PACS1: variants seen among roughly 807,000 people sequenced by gnomAD.
PACS1 encodes PACS-1.
In PACS1, 24 loss-of-function variants were observed where a neutral mutation model predicts 115.0. The ratio of observed to expected loss-of-function variants is 0.21; its 90% CI spans 0.15 to 0.29. The LOEUF (loss-of-function observed/expected upper bound fraction) is 0.29, where lower values mean the gene tolerates loss of function less well. Ranked by LOEUF, PACS1 falls within the 10% of genes least tolerant of loss-of-function variation. PACS1 has a pLI of 1.00. For synonymous variants in PACS1, 453 were observed against 504.5 expected, an observed-to-expected ratio of 0.90 and a Z score of 1.37; for missense variants, 838 against 1,251.2, an observed-to-expected ratio of 0.67 and a Z score of 4.98.
At chr11:66,114,417 CAAA>C (rs34972929) in intron 1 of PACS1, among the ~76,000 whole-genome samples, 4 of 132,134 alleles carry the variant, frequency 3.0e-5, no homozygotes, top group Non-Finnish European at 4.8e-5. Flanking sequence ...GACTCCGCCT[CAAA>C]AAAAAAAAAA....
chr11:66,122,586 A>C (rs1215000458), intron 1 of PACS1, among the ~76,000 whole-genome samples: 3 of 152,214 alleles, frequency 2.0e-5, no homozygotes, highest in Non-Finnish European at 4.4e-5. Context: ...TCATGGGAGG[A>C]GGTCAAAGTA....
At chr11:66,097,775 G>A (rs1259436028) in intron 1 of PACS1, among the ~76,000 whole-genome samples, 1 of 152,204 alleles carries the variant, frequency 6.6e-6, no homozygotes. Flanking sequence ...GGCATGAAAT[G>A]GAAACTCTGA....
intron 10 of PACS1, among the ~76,000 whole-genome samples, chr11:66,224,744 A>C (rs1855438218): frequency 6.6e-6 from 1 of 152,232 alleles, no homozygotes; most frequent in South Asian, 2.1e-4. Flanking sequence ...TGGGAACAGC[A>C]GAACCAGACT....
chr11:66,228,208 G>A (rs555083144), intron 11 of PACS1, among the ~76,000 whole-genome samples: 1 of 152,108 alleles, frequency 6.6e-6, no homozygotes, highest in South Asian at 2.1e-4. Context: ...TCTGAGCTGG[G>A]CTTTGCAGGT....
At chr11:66,226,555 G>T (rs912858152) in intron 10 of PACS1, among the ~76,000 whole-genome samples, 2 of 152,150 alleles carry the variant, frequency 1.3e-5, no homozygotes, top group Admixed American at 6.5e-5. Context: ...AATGTCAATC[G>T]TGCCAAGGTG....
chr11:66,074,077 T>C (rs1439680892), intron 1 of PACS1, among the ~76,000 whole-genome samples: 1 of 151,998 alleles, frequency 6.6e-6, no homozygotes, highest in Non-Finnish European at 1.5e-5. Flanking sequence ...CAGCATTTTT[T>C]TTAAAGACAA....
At chr11:66,237,777 G>T (rs1189467590) in intron 19 of PACS1, among the ~76,000 whole-genome samples, 1 of 152,206 alleles carries the variant, frequency 6.6e-6, no homozygotes, top group Non-Finnish European at 1.5e-5. Context: ...CTCACCAAAT[G>T]CCAGGCAAAC....
intron 10 of PACS1, among the ~76,000 whole-genome samples, chr11:66,225,942 G>A (rs1319676614): frequency 6.6e-6 from 1 of 152,188 alleles, no homozygotes; most frequent in Non-Finnish European, 1.5e-5. Flanking sequence ...GCTGAGGCAG[G>A]TGGATCACTT....
At chr11:66,147,775 G>A (rs1052866253) in intron 1 of PACS1, among the ~76,000 whole-genome samples, 3 of 152,016 alleles carry the variant, frequency 2.0e-5, no homozygotes, top group African/African-American at 7.2e-5. Context: ...GAATGAATAA[G>A]AGCTAGTATT....
At chr11:66,079,637 T>C (rs1337661339) in intron 1 of PACS1, among the ~76,000 whole-genome samples, 2 of 152,298 alleles carry the variant, frequency 1.3e-5, no homozygotes, top group African/African-American at 4.8e-5. Flanking sequence ...ACACCCCCTC[T>C]ATAATCTTCC....
At chr11:66,082,574 G>A (rs1486833235) in intron 1 of PACS1, among the ~76,000 whole-genome samples, 1 of 152,132 alleles carries the variant, frequency 6.6e-6, no homozygotes, top group Non-Finnish European at 1.5e-5. Context: ...AAATGTTTGC[G>A]CATCAGGCCG....
rs1858197271 is a variant in PACS1, at chr11:66,111,948, G to C, written c.356+41106G>C. Among the ~76,000 whole-genome samples the C allele has an allele frequency of 2.6e-5, 4 of 152,144 alleles. No homozygotes were observed. In the South Asian group the frequency reaches 8.3e-4, roughly 32 times the overall value. ...GGTGTGAGCCACTGCACCCAGCTCA[G>C]ATTCTTCTTTATAATGCCTGCCTCA... On this transcript the variant is annotated intron_variant, in intron 1 of 23. Transcript: ENST00000320580.
chr11:66,169,236 C>T (rs934657435), intron 1 of PACS1, among the ~76,000 whole-genome samples: 3 of 150,552 alleles, frequency 2.0e-5, no homozygotes, highest in Admixed American at 2.0e-4. Context: ...GCTAAGAGGA[C>T]TTATCATAAA....
At position 66,198,411 on chromosome 11, in the gene PACS1, G is replaced by A. The variant is rs567598594; in HGVS notation, c.444+4838G>A. On this transcript the variant is annotated intron_variant, in intron 2 of 23. Transcript: ENST00000320580. ...AATGTGGTCTAGTCATACAGCTTCG[G>A]AATACTATTTGGCAATAAAAAAGAA... Among the ~76,000 whole-genome samples, 26 of 152,156 alleles carry A rather than the reference G, an allele frequency of 1.7e-4. 1 individual carries two copies. The highest frequency in any genetic ancestry group is 1.3e-4 in the Non-Finnish European group (9 of 68,032).
rs562418648 is a variant in PACS1 at position 66,230,600 on chromosome 11, C to T, written c.1427C>T (p.Pro476Leu). The T allele has an allele frequency of 9.9e-6, 16 of 1,613,992 alleles. No individual in the cohort carries two copies. Among genetic ancestry groups the T allele is most frequent in the East Asian group, 2.2e-5 (1 of 44,890 alleles). Residue 476 changes from proline to leucine, a missense_variant, in exon 12 of 24, where the codon CCG becomes CTG. By Grantham distance (98) the Pro-to-Leu change is moderately conservative. This residue lies in a region of PACS1 where 383 missense variants were observed against 537.0 expected (regional missense o/e 0.71). Coordinates refer to ENST00000320580, the MANE Select transcript of PACS1 (RefSeq NM_018026.4). The stretch of plus-strand genomic sequence containing the variant: ...GATGCCAGCACGAGTCTGGTTGTGC[C>T]GGAGAAAGTCAAAACTCCCATGAAG... ...FGDASTSLVVPEKVKTPMKSS... is the reference protein window; with the variant it reads ...FGDASTSLVVLEKVKTPMKSS...
intron 13 of PACS1, 170 bp from the exon 14 acceptor site, chr11:66,232,002 C>G: frequency 1.7e-6 from 1 of 577,926 alleles, no homozygotes; most frequent in South Asian, 2.1e-5. Flanking sequence ...CTTTCTCCTC[C>G]TTTCCATCGT....
intron 2 of PACS1, among the ~76,000 whole-genome samples, chr11:66,205,747 G>A (rs1332812955): frequency 7.5e-5 from 11 of 147,222 alleles, no homozygotes; most frequent in Non-Finnish European, 1.3e-4. Flanking sequence ...TTCCACCTCT[G>A]CCTCCTTAAG....
rs774951789 is a variant in PACS1, at chr11:66,221,178, G to T, written c.1224G>T (p.Gln408His). 1 of 1,614,204 alleles carries T rather than the reference G, an allele frequency of 6.2e-7. No individual in the cohort carries two copies. Among genetic ancestry groups the T allele is most frequent in the Admixed American group, 1.7e-5 (1 of 60,020 alleles). ...GGCCTTTCTTTGAGGGGATGTCGCA[G>T]TCCAGCTCCCAGACGGAGATTGGCA... ...KLKPFFEGMS[Q>H]SSSQTEIGSL... Residue 408 changes from glutamine to histidine, a missense_variant, in exon 10 of 24, where the codon CAG (glutamine) becomes CAT (histidine). Coordinates refer to ENST00000320580, the MANE Select transcript of PACS1 (RefSeq NM_018026.4).
intron 1 of PACS1, among the ~76,000 whole-genome samples, chr11:66,175,397 T>C (rs1859833275): frequency 6.6e-6 from 1 of 152,182 alleles, no homozygotes; most frequent in African/African-American, 2.4e-5. Flanking sequence ...TTCTAAAATG[T>C]GACAGTGGGT....
Sources: allele counts gnomAD v4.1 joint callset (sites outside exome capture counted in the v4.1 genomes callset), GRCh38; gene constraint gnomAD v4.1.1; regional missense constraint gnomAD v4.1.1; transcripts MANE v1.5; gene names NCBI Gene and HGNC (gene_info 2026-07-23, HGNC 2026-07-21).